PRX: variants seen among roughly 807,000 people sequenced by gnomAD.
PRX encodes periaxin.
A neutral mutation model predicts 29.6 loss-of-function variants in PRX; 24 were observed. The observed-to-expected ratio is 0.81, with a 90% CI of 0.59 to 1.14. PRX has a LOEUF of 1.14. Among genes scored for constraint, PRX ranks in the 50% most tolerant of loss-of-function variants. PRX has a pLI of 0.00. For missense variants in PRX, 1,838 were observed against 1,926.4 expected (o/e 0.95, Z 0.86); for synonymous variants, 772 against 831.7 (o/e 0.93, Z 1.24).
At chr19:40,399,971 CTGTCTTTCT>C (rs1406270913) in intron 5 of PRX, among the ~76,000 whole-genome samples, 1 of 143,544 alleles carries the variant, frequency 7.0e-6, no homozygotes, top group South Asian at 2.3e-4. Context: ...TTCTGTCTGT[CTGTCTTTCT>C]TTTCTTTTCT....
In PRX at chr19:40,395,381, G is replaced by C; in HGVS notation, c.2971C>G (p.Leu991Val). The C allele has an allele frequency of 6.2e-7, 1 of 1,613,818 alleles. No homozygotes were observed. Among genetic ancestry groups the C allele is most frequent in the Non-Finnish European group, 8.5e-7 (1 of 1,180,030 alleles). Residue 991 changes from leucine (L) to valine (V), a missense_variant, in exon 7 of 7, where the codon CTG becomes GTG. Around this residue, in one of 3 missense-constraint regions of PRX, gnomAD observed 1,143 missense variants for 1,193.0 expected, o/e 0.96. Transcript: ENST00000324001. Reference protein sequence around the residue: ...GEAGLLPALDLSIPQLSLDAH... With the variant: ...GEAGLLPALDVSIPQLSLDAH... ...TCCAGGCTGAGCTGTGGGATGGACA[G>C]ATCGAGGGCAGGCAGCAGGCCTGCC... is the stretch of plus-strand genomic sequence containing the variant.
In PRX at chr19:40,394,854, TG is replaced by T; in HGVS notation, c.3497del (p.Pro1166GlnfsTer25). ...ELTGFGEAGT[P>X]GQQAQSTVPS... ...GGACTGTACTCTGAGCCTGCTGCCC[TG>T]GGGTACCTGCCTCCCCAAAGCCGGT... On this transcript the variant is annotated frameshift_variant, in exon 7 of 7. Coordinates refer to ENST00000324001, the MANE Select transcript of PRX (RefSeq NM_181882.3). LOFTEE classifies it high-confidence loss of function. This position sits in a 1 kb window ranked among gnomAD's most constrained non-coding sequence, Gnocchi z 5.8. 1 of 1,612,462 alleles carries T rather than the reference TG, an allele frequency of 6.2e-7. No individual in the cohort carries two copies.
chr19:40,396,803 G>A lies in PRX; in HGVS notation c.1549C>T (p.Leu517Phe), dbSNP rs2079443162. ...ACTTTCAGCAGCTGTACCTCTGGAAGCCGCACCTCCGGCACAGCCATCTCT... is the reference window on the plus strand; with the variant it reads ...ACTTTCAGCAGCTGTACCTCTGGAAACCGCACCTCCGGCACAGCCATCTCT... ...VPEMAVPEVR[L>F]PEVQLLKVSE... The change falls in exon 7 of 7, where the codon CTT (leucine) becomes TTT (phenylalanine). Residue 517 changes from leucine (L) to phenylalanine (F), a missense_variant. Physicochemically the swap from Leu to Phe is conservative, Grantham distance 22. This residue lies in a region of PRX where 29 missense variants were observed against 68.4 expected (regional missense o/e 0.42). Coordinates refer to ENST00000324001, the MANE Select transcript of PRX (RefSeq NM_181882.3). 14 of 1,613,790 alleles carry A rather than the reference G, an allele frequency of 8.7e-6. No individual in the cohort carries two copies. In the East Asian group the frequency reaches 3.1e-4, roughly 36 times the overall value.
chr19:40,404,331 G>A (rs2079517553), intron 4 of PRX, among the ~76,000 whole-genome samples: 1 of 151,736 alleles, frequency 6.6e-6, no homozygotes, highest in African/African-American at 2.4e-5. Flanking sequence ...GTAAGGGGAG[G>A]GACTGCGTCG....
In PRX at chr19:40,397,190, C is replaced by A. The variant is rs372200037; in HGVS notation, c.1162G>T (p.Gly388Cys). 1.2e-6 allele frequency: 2 copies of A among 1,613,988 alleles called. No individual in the cohort carries two copies. The highest frequency in any genetic ancestry group is 2.2e-5 in the South Asian group (2 of 91,090). The change falls in exon 7 of 7, where the codon GGT becomes TGT. Residue 388 changes from glycine (G) to cysteine (C), a missense_variant. By Grantham distance (159) the Gly-to-Cys change is radical. Transcript: ENST00000324001. ...AAGGTGGGCATTCGAAGTCTGGGAC[C>A]TTTCACCCTGGCCTCAGGGCTGACC... Reference protein sequence around the residue: ...AKVSPEARVKGPRLRMPTFGL... With the variant: ...AKVSPEARVKCPRLRMPTFGL...
intron 1 of PRX, among the ~76,000 whole-genome samples, chr19:40,409,542 G>A (rs972979757): frequency 2.5e-4 from 37 of 150,692 alleles, no homozygotes; most frequent in African/African-American, 8.8e-4. Flanking sequence ...GTGCGAATTC[G>A]GCTTACTACA....
At position 40,396,546 on chromosome 19, in the gene PRX, T is replaced by TTCAGGGAGTTTCATC; in HGVS notation, c.1791_1805dup (p.Met598_Glu602dup). 1 of 1,608,942 alleles carries TTCAGGGAGTTTCATC rather than the reference T, an allele frequency of 6.2e-7. No individual in the cohort carries two copies. Among genetic ancestry groups the TTCAGGGAGTTTCATC allele is most frequent in the East Asian group, 2.2e-5 (1 of 44,502 alleles). ...TCTCGGGCACCTTCGGGAGTTGCAC[T>TTCAGGGAGTTTCATC]TCAGGGAGTTTCATCTCAGGAAGTT... On this transcript the variant is annotated inframe_insertion, in exon 7 of 7. Transcript: ENST00000324001.
chr19:40,407,783 T>C, intron 4 of PRX, 123 bp downstream of exon 4: 1 of 1,382,044 alleles, frequency 7.2e-7, no homozygotes, highest in Non-Finnish European at 1.0e-6. Context: ...GACCCTGTTA[T>C]TATTTCCATT....
At position 40,397,554 on chromosome 19, in the gene PRX, A is replaced by C. The variant is rs1343706211; in HGVS notation, c.798T>G (p.Phe266Leu). The change falls in exon 7 of 7, where the codon TTT becomes TTG. Residue 266 changes from phenylalanine (F) to leucine (L), a missense_variant. By Grantham distance (22) the Phe-to-Leu change is conservative. This residue lies in a region of PRX where 666 missense variants were observed against 665.0 expected (regional missense o/e 1.00). Transcript: ENST00000324001. ...GCCCAAGGGTTGGCAGGTGGAGGGC[A>C]AAGCCACCAGCTGCCTCTGCTGAGG... ...AAPSAEAAGG[F>L]ALHLPTLGLG... is the part of the protein sequence containing the mutation. The C allele has an allele frequency of 6.5e-7, 1 of 1,541,182 alleles. No homozygotes were observed. Among genetic ancestry groups the C allele is most frequent in the South Asian group, 1.2e-5 (1 of 84,372 alleles).
chr19:40,414,624 A>G (rs1257644932), upstream of PRX, among the ~76,000 whole-genome samples: 1 of 151,720 alleles, frequency 6.6e-6, no homozygotes, highest in Non-Finnish European at 1.5e-5. Context: ...GACCTGCCCG[A>G]CTCCCAAGCC....
In PRX at chr19:40,397,836, G is replaced by A. The variant is rs775026413; in HGVS notation, c.516C>T (p.Ala172=). The change falls in exon 7 of 7, where the codon GCC becomes GCT. Residue 172 remains alanine, a synonymous_variant. Transcript: ENST00000324001. The part of the protein sequence containing the change: ...KFSRLRRGLK[A]EAVKGPVPAA... ...CCGGGACAGGACCCTTGACAGCCTC[G>A]GCTTTGAGGCCCCGACGCAGGCGGG... 11 of 1,597,652 alleles carry A rather than the reference G, an allele frequency of 6.9e-6. No individual in the cohort carries two copies. The highest frequency in any genetic ancestry group is 2.3e-5 in the South Asian group (2 of 88,604).
Position 40,395,662 on chromosome 19 carries a change from C to G in PRX, c.2690G>C (p.Arg897Pro). The G allele has an allele frequency of 6.2e-7, 1 of 1,614,166 alleles. No homozygotes were observed. The highest frequency in any genetic ancestry group is 1.1e-5 in the South Asian group (1 of 91,082). Reference sequence around the variant, plus strand: ...GGTGACAATTTCAACAGAGGGCACTCGGAAGCCCACTTCCCTGACCCCTGC... The same window carrying G: ...GGTGACAATTTCAACAGAGGGCACTGGGAAGCCCACTTCCCTGACCCCTGC... ...VAAGVREVGFRVPSVEIVTPQ... is the reference protein window; with the variant it reads ...VAAGVREVGFPVPSVEIVTPQ... The change falls in exon 7 of 7, where the codon CGA becomes CCA. Residue 897 changes from arginine (R) to proline (P), a missense_variant. Physicochemically the swap from Arg to Pro is moderately radical, Grantham distance 103 (BLOSUM62 -2). This residue lies in a region of PRX where 1,143 missense variants were observed against 1,193.0 expected (regional missense o/e 0.96). Coordinates refer to ENST00000324001, the MANE Select transcript of PRX (RefSeq NM_181882.3).
Position 40,395,969 on chromosome 19 carries a change from T to C in PRX, c.2383A>G (p.Met795Val). ...TTGGGCATCTTGAAGCCAAATTCCA[T>C]CCCTTCTGCCTGTTCTGCCTTGGTG... ...KATKAEQAEG[M>V]EFGFKMPKMT... Residue 795 changes from methionine to valine, a missense_variant, in exon 7 of 7, where the codon ATG becomes GTG. This residue lies in a region of PRX where 1,143 missense variants were observed against 1,193.0 expected (regional missense o/e 0.96). Transcript: ENST00000324001. 1 of 1,614,096 alleles carries C rather than the reference T, an allele frequency of 6.2e-7. No homozygotes were observed. The highest frequency in any genetic ancestry group is 1.6e-4 in the Middle Eastern group (1 of 6,062).
Position 40,398,529 on chromosome 19 carries a change from G to T in PRX, c.381+91C>A, listed in dbSNP as rs2079463715. 4 of 1,588,818 alleles carry T rather than the reference G, an allele frequency of 2.5e-6. No individual in the cohort carries two copies. Among genetic ancestry groups the T allele is most frequent in the Non-Finnish European group, 3.4e-6 (4 of 1,169,234 alleles). The stretch of plus-strand genomic sequence containing the variant: ...GGTTAGTGACAAGACAGAGGGCAAG[G>T]CTGGCCCACGATGGCGGGGAATGGG... On this transcript the variant is annotated intron_variant, in intron 6 of 6. Coordinates refer to ENST00000324001, the MANE Select transcript of PRX (RefSeq NM_181882.3). The surrounding 1 kb of genome is among the most constrained non-coding windows in gnomAD (Gnocchi z 6.3).
rs1205651121 is a variant in PRX at position 40,396,376 on chromosome 19, A to G, written c.1976T>C (p.Leu659Pro). ...VPDVHLPEVQ[L>P]PKVPEMKLPK... Reference sequence around the variant, plus strand: ...GAGTTTCATCTCTGGGACTTTCGGGAGCTGCACTTCCGGGAGGTGCACATC... The same window carrying G: ...GAGTTTCATCTCTGGGACTTTCGGGGGCTGCACTTCCGGGAGGTGCACATC... The change falls in exon 7 of 7, where the codon CTC becomes CCC. Residue 659 changes from leucine (L) to proline (P), a missense_variant. Leu to Pro is a moderately conservative substitution (Grantham distance 98). This residue lies in a region of PRX where 1,143 missense variants were observed against 1,193.0 expected (regional missense o/e 0.96). Coordinates refer to ENST00000324001, the MANE Select transcript of PRX (RefSeq NM_181882.3). 1 of 1,612,874 alleles carries G rather than the reference A, an allele frequency of 6.2e-7. No homozygotes were observed. Among genetic ancestry groups the G allele is most frequent in the East Asian group, 2.2e-5 (1 of 44,796 alleles).
chr19:40,398,554 G>A lies in PRX; in HGVS notation c.381+66C>T. 1.3e-6 allele frequency: 2 copies of A among 1,600,006 alleles called. No homozygotes were observed. Among genetic ancestry groups the A allele is most frequent in the Non-Finnish European group, 1.7e-6 (2 of 1,173,388 alleles). On this transcript the variant is annotated intron_variant, in intron 6 of 6. Transcript: ENST00000324001. The surrounding 1 kb of genome is among the most constrained non-coding windows in gnomAD (Gnocchi z 6.3). ...GCTGGCCCACGATGGCGGGGAATGG[G>A]GCTCACGGCGCAGAGACCGGATCGC...
At chr19:40,409,695 C>T (rs2079550198) in intron 1 of PRX, among the ~76,000 whole-genome samples, 1 of 152,062 alleles carries the variant, frequency 6.6e-6, no homozygotes, top group African/African-American at 2.4e-5. Context: ...TGGTCTGGAA[C>T]TCCTGACCTC....
chr19:40,408,003 A>G lies in PRX; in HGVS notation c.-71T>C. 1 of 1,599,132 alleles carries G rather than the reference A, an allele frequency of 6.3e-7. No homozygotes were observed. The highest frequency in any genetic ancestry group is 8.6e-7 in the Non-Finnish European group (1 of 1,169,396). On this transcript the variant is annotated 5_prime_UTR_variant, in exon 4 of 7. It removes the in-frame stop codon of an upstream open reading frame in the 5' UTR. Transcript: ENST00000324001. Reference sequence around the variant, plus strand: ...CCCTTTCTGCTGCAGAACCAGCTTCAGTTCTGCATGGAGCAGCTGCCTCTG... The same window carrying G: ...CCCTTTCTGCTGCAGAACCAGCTTCGGTTCTGCATGGAGCAGCTGCCTCTG...
At chr19:40,402,642 G>A (rs1460849305) in intron 5 of PRX, among the ~76,000 whole-genome samples, 1 of 151,446 alleles carries the variant, frequency 6.6e-6, no homozygotes, top group Non-Finnish European at 1.5e-5. Context: ...GTGGTTGTGG[G>A]CGCCTGTAGT....
Sources: allele counts gnomAD v4.1 joint callset (sites outside exome capture counted in the v4.1 genomes callset), GRCh38; gene constraint gnomAD v4.1.1; regional missense constraint gnomAD v4.1.1; non-coding constraint Gnocchi (gnomAD v3.1); transcripts MANE v1.5; gene names NCBI Gene and HGNC (gene_info 2026-07-23, HGNC 2026-07-21).